The following STAG1 variants were observed in gnomAD, a reference collection of about 807,000 sequenced individuals.
STAG1 encodes the protein STAG1 cohesin complex component.
Under a neutral mutation model 170.9 loss-of-function variants are expected in STAG1, and 26 were observed. The observed-to-expected ratio is 0.15, with a 90% confidence interval of 0.11 to 0.21. The LOEUF is 0.21. Ranked by LOEUF, STAG1 falls within the 10% of genes least tolerant of loss-of-function variation. STAG1 has a pLI of 1.00. For synonymous variants in STAG1, 514 were observed against 497.7 expected (o/e 1.03, Z -0.44); for missense variants, 964 against 1,509.5 (o/e 0.64, Z 5.99).
chr3:136,520,752 T>C (rs1934630041), intron 7 of STAG1, among the ~76,000 whole-genome samples: 1 of 152,234 alleles, frequency 6.6e-6, no homozygotes, highest in South Asian at 2.1e-4. Context: ...ATTATAGCAC[T>C]AGGAATAGGA....
At chr3:136,609,507 A>T (rs1939147609) in intron 3 of STAG1, 1 of 152,972 alleles carries the variant, frequency 6.5e-6, no homozygotes, top group African/African-American at 2.4e-5. Flanking sequence ...TGATCAGGCT[A>T]ACCAAAAAAC....
chr3:136,599,443 G>GT (rs887907650), intron 4 of STAG1, among the ~76,000 whole-genome samples: 1 of 152,044 alleles, frequency 6.6e-6, no homozygotes, highest in African/African-American at 2.4e-5. Flanking sequence ...AAGCAGGAGA[G>GT]TGGTGTGAGC....
intron 29 of STAG1, among the ~76,000 whole-genome samples, chr3:136,348,590 A>G (rs1055293229): frequency 6.6e-6 from 1 of 151,580 alleles, no homozygotes; most frequent in African/African-American, 2.4e-5. Context: ...TTTCTTAGAG[A>G]TGGGAGTCTT....
At chr3:136,477,214 T>C (rs769615886) in intron 10 of STAG1, 75 bp downstream of exon 10, 62 of 1,466,254 alleles carry the variant, frequency 4.2e-5, no homozygotes, top group Non-Finnish European at 5.4e-5. Context: ...AATCAACTAC[T>C]GTCATTTTGA....
At chr3:136,639,628 TTAAC>T (rs1258966229) in intron 1 of STAG1, among the ~76,000 whole-genome samples, 1 of 152,116 alleles carries the variant, frequency 6.6e-6, no homozygotes, top group Admixed American at 6.6e-5. Context: ...CCTAAAAGAA[TTAAC>T]TAACAGTACT....
chr3:136,527,699 T>C, intron 6 of STAG1, among the ~76,000 whole-genome samples: 1 of 152,322 alleles, frequency 6.6e-6, no homozygotes, highest in Non-Finnish European at 1.5e-5. Flanking sequence ...CTCTGTTTTT[T>C]CCCCATCTTT....
At chr3:136,714,953 AT>A (rs1474892358) in intron 1 of STAG1, among the ~76,000 whole-genome samples, 4 of 91,010 alleles carry the variant, frequency 4.4e-5, no homozygotes, top group Admixed American at 1.1e-4. Flanking sequence ...ATATATATAT[AT>A]ATATATATAT....
At chr3:136,484,873 G>T (rs1454108153) in intron 9 of STAG1, among the ~76,000 whole-genome samples, 3 of 151,856 alleles carry the variant, frequency 2.0e-5, no homozygotes, top group African/African-American at 7.3e-5. Flanking sequence ...TCTTTGACTC[G>T]GAAAGGGAAC....
chr3:136,656,781 G>A lies in STAG1; in HGVS notation c.-83-25800C>T, dbSNP rs540825665. Among the ~76,000 whole-genome samples the A allele has an allele frequency of 7.2e-5, 11 of 152,022 alleles. No individual in the cohort carries two copies. The South Asian group carries it at 1.7e-3, about 23-fold the overall frequency. On this transcript the variant is annotated intron_variant, in intron 1 of 33. Transcript: ENST00000383202. ...GTGGTCAGGATTAATTCAGCCCTCC[G>A]CACCTGAGGTCCTACAAGTAAATTT...
At chr3:136,371,032 C>CT (rs1389743854) in intron 23 of STAG1, among the ~76,000 whole-genome samples, 1 of 152,130 alleles carries the variant, frequency 6.6e-6, no homozygotes, top group Non-Finnish European at 1.5e-5. Context: ...TGTTTCCTGA[C>CT]TTTTTAATGA....
intron 1 of STAG1, among the ~76,000 whole-genome samples, chr3:136,723,077 CA>C (rs1365095208): frequency 6.6e-6 from 1 of 152,244 alleles, no homozygotes; most frequent in Non-Finnish European, 1.5e-5. Flanking sequence ...CTTGGCCTCC[CA>C]AAGTGCCGAG....
rs552557432 is a variant in STAG1 at position 136,372,476 on chromosome 3, A to C, written c.2371-3194T>G. On this transcript the variant is annotated intron_variant, in intron 23 of 33. Coordinates refer to ENST00000383202, the MANE Select transcript of STAG1 (RefSeq NM_005862.3). Reference sequence around the variant, plus strand: ...TTTTTGTCCATCCAGTATGATATTGACTGTGGGTTTGTCATAGATAGCTCT... The same window carrying C: ...TTTTTGTCCATCCAGTATGATATTGCCTGTGGGTTTGTCATAGATAGCTCT... 4.0e-4 allele frequency among the ~76,000 whole-genome samples: 61 copies of C among 152,122 alleles called. 1 individual carries two copies. In the South Asian group the frequency reaches 6.0e-3, roughly 15 times the overall value.
At chr3:136,654,102 A>G (rs1397291543) in intron 1 of STAG1, among the ~76,000 whole-genome samples, 1 of 152,214 alleles carries the variant, frequency 6.6e-6, no homozygotes, top group Non-Finnish European at 1.5e-5. Flanking sequence ...TGCTTTTACT[A>G]CTTCTATTTA....
chr3:136,528,499 C>CT lies in STAG1; in HGVS notation c.472-7083_472-7082insA, dbSNP rs1409472727. Among the ~76,000 whole-genome samples the CT allele has an allele frequency of 2.2e-5, 3 of 139,332 alleles. 1 individual carries two copies. In the East Asian group the frequency reaches 5.9e-4, roughly 27 times the overall value. The allele number at this position is 139,332 out of a possible 152,430, so 91.4% of individuals were successfully genotyped here. ...CCAGCAACAGATGTCCCCGCACCCC[C>CT]CCCCCCAAAAAATCACTAAGTCCTG... On this transcript the variant is annotated intron_variant, in intron 6 of 33. Transcript: ENST00000383202.
intron 1 of STAG1, among the ~76,000 whole-genome samples, chr3:136,730,550 C>T (rs1053098506): frequency 6.6e-6 from 1 of 152,112 alleles, no homozygotes; most frequent in Non-Finnish European, 1.5e-5. Flanking sequence ...TACTTGACAC[C>T]ATGTTTGATA....
chr3:136,469,366 A>C (rs1436507479), intron 12 of STAG1, among the ~76,000 whole-genome samples: 1 of 152,194 alleles, frequency 6.6e-6, no homozygotes, highest in African/African-American at 2.4e-5. Flanking sequence ...CCAAATCACG[A>C]GTGAACTCCC....
intron 7 of STAG1, among the ~76,000 whole-genome samples, chr3:136,515,870 CA>C (rs1258604643): frequency 6.6e-6 from 1 of 151,940 alleles, no homozygotes; most frequent in African/African-American, 2.4e-5. Context: ...ACGAGAACAT[CA>C]GAAGTCTGTT....
At chr3:136,384,302 C>G (rs540377140) in intron 22 of STAG1, among the ~76,000 whole-genome samples, 7 of 148,518 alleles carry the variant, frequency 4.7e-5, no homozygotes, top group Non-Finnish European at 1.0e-4. Context: ...AATACAAAAA[C>G]TGCCGGGTGT....
chr3:136,422,816 G>C lies in STAG1; in HGVS notation c.1785C>G (p.Ile595Met). 1.9e-6 allele frequency: 3 copies of C among 1,609,670 alleles called. No individual in the cohort carries two copies. The highest frequency in any genetic ancestry group is 2.5e-6 in the Non-Finnish European group (3 of 1,179,016). ...DAEKVANLLQ[I>M]PQYFDLEIYS... is the part of the protein sequence containing the mutation. ...AGATTTCTAAATCAAAATACTGTGG[G>C]ATTTGTAGCAAGTTTGCTACCTTCT... Residue 595 changes from isoleucine (I) to methionine (M), a missense_variant, in exon 18 of 34, where the codon ATC becomes ATG. Around this residue, in one of 11 missense-constraint regions of STAG1, gnomAD observed 232 missense variants for 313.0 expected, o/e 0.74. Coordinates refer to ENST00000383202, the MANE Select transcript of STAG1 (RefSeq NM_005862.3).
Sources: allele counts gnomAD v4.1 joint callset (sites outside exome capture counted in the v4.1 genomes callset), GRCh38; gene constraint gnomAD v4.1.1; regional missense constraint gnomAD v4.1.1; transcripts MANE v1.5; gene names NCBI Gene and HGNC (gene_info 2026-07-23, HGNC 2026-07-21).